The following SLC4A8 variants were observed in gnomAD, a reference collection of about 807,000 sequenced individuals.
SLC4A8 encodes the protein solute carrier family 4 member 8, also known as electroneutral sodium bicarbonate exchanger 1.
In SLC4A8, 40 loss-of-function variants were observed where a neutral mutation model predicts 125.0. The observed-to-expected ratio is 0.32, with a 90% CI of 0.25 to 0.42. The LOEUF (loss-of-function observed/expected upper bound fraction) is 0.42. Ranked by LOEUF, SLC4A8 falls within the 10% of genes least tolerant of loss-of-function variation. The probability of loss-of-function intolerance (pLI) is 1.00; values close to 1 mark genes in which losing one functional copy is unlikely to be tolerated. For synonymous variants in SLC4A8, 456 were observed against 476.0 expected (o/e 0.96, Z 0.55); for missense variants, 863 against 1,355.1 (o/e 0.64, Z 5.70).
chr12:51,492,738 A>G (rs146151411), intron 19 of SLC4A8, among the ~76,000 whole-genome samples: 4,462 of 152,216 alleles, frequency 0.029, 104 homozygotes, highest in Non-Finnish European at 0.045. Context: ...TTTGTTACCT[A>G]GGTATACATG....
chr12:51,413,118 G>T (rs1375706299), intron 1 of SLC4A8, among the ~76,000 whole-genome samples: 1 of 152,098 alleles, frequency 6.6e-6, no homozygotes, highest in African/African-American at 2.4e-5. Flanking sequence ...TCCTGGCTGG[G>T]GTGAGATGAT....
intron 2 of SLC4A8, among the ~76,000 whole-genome samples, chr12:51,447,060 ATCTATCTG>A (rs1274270173): frequency 2.6e-5 from 4 of 151,848 alleles, no homozygotes; most frequent in South Asian, 2.1e-4. Context: ...CTGTCTGTCT[ATCTATCTG>A]TCTATCTATC....
intron 16 of SLC4A8, among the ~76,000 whole-genome samples, chr12:51,483,560 T>G (rs1483209173): frequency 6.6e-6 from 1 of 151,998 alleles, no homozygotes; most frequent in Non-Finnish European, 1.5e-5. Flanking sequence ...GCATACTTCC[T>G]GTTCATATTT....
intron 1 of SLC4A8, chr12:51,425,303 C>A: frequency 7.8e-7 from 1 of 1,278,358 alleles, no homozygotes; most frequent in East Asian, 3.4e-5. Context: ...TGACAGCCGG[C>A]GGGCGGCGAC....
chr12:51,433,335 C>T (rs4761965), intron 1 of SLC4A8, among the ~76,000 whole-genome samples: 82,203 of 151,956 alleles, frequency 0.54, 22,388 homozygotes, highest in African/African-American at 0.58. Flanking sequence ...CGTAGTGGGT[C>T]ATTATCAGTG....
At chr12:51,419,589 T>A (rs1948745364) in intron 1 of SLC4A8, among the ~76,000 whole-genome samples, 2 of 152,224 alleles carry the variant, frequency 1.3e-5, no homozygotes, top group Admixed American at 1.3e-4. Context: ...CCCATCTGAA[T>A]CTGGAAGTCC....
intron 2 of SLC4A8, among the ~76,000 whole-genome samples, chr12:51,447,514 G>A (rs964765330): frequency 2.0e-5 from 3 of 152,128 alleles, no homozygotes; most frequent in Non-Finnish European, 4.4e-5. Flanking sequence ...TGTCCAGAAA[G>A]CACTGGCACA....
intron 15 of SLC4A8, 168 bp downstream of exon 15, chr12:51,474,615 T>C: frequency 7.8e-7 from 1 of 1,287,962 alleles, no homozygotes; most frequent in East Asian, 2.6e-5. Flanking sequence ...AGAATTTTTC[T>C]TGTATGTTAA....
At chr12:51,460,167 G>A in intron 8 of SLC4A8, 59 bp downstream of exon 8, 1 of 1,343,816 alleles carries the variant, frequency 7.4e-7, no homozygotes, top group Non-Finnish European at 1.1e-6. Flanking sequence ...TGTAGTGCTG[G>A]TAGAAGAAAC....
intron 1 of SLC4A8, among the ~76,000 whole-genome samples, chr12:51,415,059 T>A (rs1255785965): frequency 6.6e-6 from 1 of 152,190 alleles, no homozygotes; most frequent in African/African-American, 2.4e-5. Context: ...TTGGTTTGAT[T>A]TTGTTGAGGG....
chr12:51,496,083 A>C (rs1951452974), intron 21 of SLC4A8, among the ~76,000 whole-genome samples: 1 of 152,106 alleles, frequency 6.6e-6, no homozygotes, highest in Non-Finnish European at 1.5e-5. Context: ...TGGGTTTCTC[A>C]ATTTTGTCAG....
Position 51,512,747 on chromosome 12 carries a change from T to C in SLC4A8, c.*5309T>C, listed in dbSNP as rs1938410354. 6.6e-6 allele frequency: 1 copy of C among 152,110 alleles called. No homozygotes were observed. Among genetic ancestry groups the C allele is most frequent in the African/African-American group, 2.4e-5 (1 of 41,396 alleles). 9.4% of individuals were successfully genotyped at this position (152,110 alleles called of 1,614,324 possible). A position where few individuals can be genotyped will look rare whatever the true frequency, so the allele number is the denominator to read the frequency against. On this transcript the variant is annotated 3_prime_UTR_variant, in exon 25 of 25. Coordinates refer to ENST00000453097, the MANE Select transcript of SLC4A8 (RefSeq NM_001039960.3). ...GTTACTACTAGTCTTTGTGTACCTA[T>C]CTGGAGGGACATTAAAAAAATATGG...
rs749292247 is a variant in SLC4A8, at chr12:51,463,678, G to A, written c.1313G>A (p.Gly438Glu). Residue 438 changes from glycine to glutamate, a missense_variant, in exon 11 of 25, where the codon GGG (glycine) becomes GAG (glutamate). By Grantham distance (98) the Gly-to-Glu change is moderately conservative (BLOSUM62 -2). Around this residue, in one of 6 missense-constraint regions of SLC4A8, gnomAD observed 390 missense variants for 634.4 expected, o/e 0.61. Transcript: ENST00000453097. ...NVCHIEQEPH[G>E]GHSGPELQRT... ...TGCCACATAGAACAGGAACCACATG[G>A]GGGTCACAGTGGGCCAGAACTTCAG... 1.9e-6 allele frequency: 3 copies of A among 1,614,058 alleles called. No individual in the cohort carries two copies. The South Asian group carries it at 3.3e-5, about 18-fold the overall frequency.
intron 1 of SLC4A8, 92 bp from the exon 2 acceptor site, chr12:51,440,616 G>A (rs552631279): frequency 7.4e-5 from 68 of 914,982 alleles, no homozygotes; most frequent in East Asian, 1.4e-4. Flanking sequence ...TGTTTCCCCC[G>A]TAAGTATCTC....
At chr12:51,425,604 G>A (rs1448727025) in intron 1 of SLC4A8, among the ~76,000 whole-genome samples, 1 of 152,164 alleles carries the variant, frequency 6.6e-6, no homozygotes, top group African/African-American at 2.4e-5. Flanking sequence ...ACTGGGCTGA[G>A]GATGTGTGGA....
In SLC4A8 at chr12:51,488,783, C is replaced by T; in HGVS notation, c.2371C>T (p.Leu791Phe). The T allele has an allele frequency of 1.9e-6, 3 of 1,613,438 alleles. No individual in the cohort carries two copies. The highest frequency in any genetic ancestry group is 2.5e-6 in the Non-Finnish European group (3 of 1,179,374). Residue 791 changes from leucine (L) to phenylalanine (F), a missense_variant, in exon 18 of 25, where the codon CTT (leucine) becomes TTT (phenylalanine). This residue lies in a region of SLC4A8 where 197 missense variants were observed against 377.7 expected (regional missense o/e 0.52). Coordinates refer to ENST00000453097, the MANE Select transcript of SLC4A8 (RefSeq NM_001039960.3). ...WTVIAAIIPA[L>F]LCTILIFMDQ... ...TGTGATAGCTGCAATTATCCCAGCTCTTCTCTGTACTATCTTGATATTCAT... is the reference window on the plus strand; with the variant it reads ...TGTGATAGCTGCAATTATCCCAGCTTTTCTCTGTACTATCTTGATATTCAT...
At chr12:51,478,830 CT>C (rs1446547230) in intron 16 of SLC4A8, among the ~76,000 whole-genome samples, 1 of 152,196 alleles carries the variant, frequency 6.6e-6, no homozygotes, top group African/African-American at 2.4e-5. Context: ...GGGCCCCTGT[CT>C]CATAGGAGCT....
chr12:51,395,824 A>C (rs1028030261), intron 1 of SLC4A8, among the ~76,000 whole-genome samples: 1 of 152,206 alleles, frequency 6.6e-6, no homozygotes, highest in African/African-American at 2.4e-5. Flanking sequence ...AAGTGCAGTT[A>C]ATGATACCTG....
At position 51,494,926 on chromosome 12, in the gene SLC4A8, G is replaced by A; in HGVS notation, c.2770-19G>A. Reference sequence around the variant, plus strand: ...CCAGAATGCCCTCCTGAAAATAAATGCCAGTTCCTTCCTTTCAGTTCTTTG... The same window carrying A: ...CCAGAATGCCCTCCTGAAAATAAATACCAGTTCCTTCCTTTCAGTTCTTTG... On this transcript the variant is annotated intron_variant, in intron 20 of 24. Coordinates refer to ENST00000453097, the MANE Select transcript of SLC4A8 (RefSeq NM_001039960.3). 6.2e-7 allele frequency: 1 copy of A among 1,609,270 alleles called. No individual in the cohort carries two copies. Among genetic ancestry groups the A allele is most frequent in the Non-Finnish European group, 8.5e-7 (1 of 1,176,284 alleles).
Sources: allele counts gnomAD v4.1 joint callset (sites outside exome capture counted in the v4.1 genomes callset), GRCh38; gene constraint gnomAD v4.1.1; regional missense constraint gnomAD v4.1.1; transcripts MANE v1.5; gene names NCBI Gene and HGNC (gene_info 2026-07-23, HGNC 2026-07-21).